The following HYDIN variants were observed in gnomAD, a reference collection of about 807,000 sequenced individuals.
HYDIN encodes HYDIN axonemal central pair apparatus protein.
Under a neutral mutation model 403.9 loss-of-function variants are expected in HYDIN, and 132 were observed. That is an observed-to-expected ratio of 0.33 (90% CI 0.28 to 0.38). The LOEUF (loss-of-function observed/expected upper bound fraction) is 0.38. HYDIN is among the 10% of genes least tolerant of loss of function. HYDIN has a pLI of 1.00. For synonymous variants in HYDIN, 1,202 were observed against 1,891.7 expected (o/e 0.64, Z 9.46); for missense variants, 2,827 against 5,009.5 (o/e 0.56, Z 13.15).
intron 9 of HYDIN, among the ~76,000 whole-genome samples, chr16:71,124,367 A>G (rs2084370265): frequency 1.3e-5 from 2 of 152,228 alleles, no homozygotes; most frequent in Non-Finnish European, 2.9e-5. Context: ...TTTTCACATG[A>G]TACTGTTCAC....
intron 27 of HYDIN, 152 bp from the exon 28 acceptor site, chr16:70,985,474 G>A (rs1260470492): frequency 1.7e-5 from 14 of 831,838 alleles, no homozygotes; most frequent in Non-Finnish European, 2.4e-5. Flanking sequence ...AATGCCTACT[G>A]GGGCACTAGA....
intron 45 of HYDIN, among the ~76,000 whole-genome samples, chr16:70,931,208 CTGTTTTTTTTTTTT>C (rs1184257134): frequency 2.6e-5 from 2 of 78,244 alleles, no homozygotes; most frequent in African/African-American, 4.0e-5. Context: ...TCTCTTTCTT[CTGTTTTTTTTTTTT>C]TTTTTTTTTT....
chr16:71,156,255 T>G (rs2085762535), intron 6 of HYDIN, among the ~76,000 whole-genome samples: 1 of 152,158 alleles, frequency 6.6e-6, no homozygotes, highest in African/African-American at 2.4e-5. Flanking sequence ...TGCTAATCGT[T>G]GGGTTTAGGT....
rs549915605 is a variant in HYDIN, at chr16:70,980,329, C to T, written c.4510+1062G>A. Among the ~76,000 whole-genome samples, 12 of 150,636 alleles carry T rather than the reference C, an allele frequency of 8.0e-5. No individual in the cohort carries two copies. In the South Asian group the frequency reaches 1.1e-3, roughly 13 times the overall value. On this transcript the variant is annotated intron_variant, in intron 29 of 85. Coordinates refer to ENST00000393567, the MANE Select transcript of HYDIN (RefSeq NM_001270974.2). ...ACTAGCCTGGGTAACAAAGTAAGAT[C>T]CTATCATAAAAAAAAAAAAATTAAA...
intron 47 of HYDIN, among the ~76,000 whole-genome samples, chr16:70,916,835 T>C (rs1347232174): frequency 1.3e-5 from 2 of 152,138 alleles, no homozygotes; most frequent in African/African-American, 2.4e-5. Context: ...TCTTTTTCTC[T>C]TTCTCTCTTT....
chr16:71,043,307 T>C (rs988921849), intron 18 of HYDIN, among the ~76,000 whole-genome samples: 1 of 150,868 alleles, frequency 6.6e-6, no homozygotes, highest in Admixed American at 6.6e-5. Flanking sequence ...GCATATTTGA[T>C]GAACCTTCTC....
chr16:70,989,661 A>C (rs2079282422), intron 25 of HYDIN, among the ~76,000 whole-genome samples: 1 of 152,254 alleles, frequency 6.6e-6, no homozygotes, highest in South Asian at 2.1e-4. Context: ...AGTTGATTGT[A>C]CATGATACAA....
At chr16:70,933,190 C>T (rs1288201074) in intron 45 of HYDIN, among the ~76,000 whole-genome samples, 2 of 151,978 alleles carry the variant, frequency 1.3e-5, no homozygotes, top group Non-Finnish European at 2.9e-5. Flanking sequence ...GAAAGGAGAG[C>T]CCTAGTCTGG....
intron 14 of HYDIN, among the ~76,000 whole-genome samples, chr16:71,068,273 T>C (rs1440211290): frequency 1.4e-5 from 2 of 148,012 alleles, no homozygotes; most frequent in African/African-American, 2.5e-5. Flanking sequence ...TTTCTATCTA[T>C]AAATTATGCA....
At chr16:71,225,989 C>T (rs1407618839) in intron 1 of HYDIN, among the ~76,000 whole-genome samples, 2 of 152,160 alleles carry the variant, frequency 1.3e-5, no homozygotes, top group East Asian at 3.8e-4. Flanking sequence ...CAATTCTCCC[C>T]AAATTAATCT....
chr16:71,078,697 G>T (rs937344665), intron 13 of HYDIN, among the ~76,000 whole-genome samples: 2 of 152,064 alleles, frequency 1.3e-5, no homozygotes, highest in African/African-American at 2.4e-5. Flanking sequence ...GTAGAGATGG[G>T]GTCTTGCTAT....
chr16:70,977,830 C>G (rs2078930995), intron 30 of HYDIN, among the ~76,000 whole-genome samples: 2 of 151,702 alleles, frequency 1.3e-5, no homozygotes, highest in African/African-American at 4.8e-5. Flanking sequence ...ACCACATGCT[C>G]CTGACTTTTC....
intron 83 of HYDIN, among the ~76,000 whole-genome samples, chr16:70,819,624 G>A (rs1228678900): frequency 6.8e-6 from 1 of 146,830 alleles, no homozygotes; most frequent in African/African-American, 2.6e-5. Context: ...GACTGATAAT[G>A]TTCAGCATCT....
intron 16 of HYDIN, 126 bp downstream of exon 16, chr16:71,064,579 G>T: frequency 1.2e-6 from 1 of 826,974 alleles, no homozygotes; most frequent in Non-Finnish European, 1.9e-6. Flanking sequence ...ACTATCTAAG[G>T]GTTAAAAATC....
chr16:70,834,976 G>GTGTA (rs2037303293), intron 78 of HYDIN, among the ~76,000 whole-genome samples: 1 of 132,254 alleles, frequency 7.6e-6, no homozygotes, highest in African/African-American at 3.1e-5. Context: ...ATATATGTGT[G>GTGTA]TATATATATA....
chr16:71,230,657 TA>T lies in HYDIN; in HGVS notation c.-120del. On this transcript the variant is annotated 5_prime_UTR_variant, in exon 1 of 86. An upstream open reading frame in the 5' UTR gains an earlier in-frame stop. Transcript: ENST00000393567. ...ACCCCGCCGCCGCTGAGGGGCTCCATACCCAGCTTGAAGCCGCCCGCACTCT... is the reference window on the plus strand; with the variant it reads ...ACCCCGCCGCCGCTGAGGGGCTCCATCCCAGCTTGAAGCCGCCCGCACTCT... 6.5e-7 allele frequency: 1 copy of T among 1,536,040 alleles called. No homozygotes were observed.
chr16:71,198,601 A>G (rs751766004), intron 1 of HYDIN, among the ~76,000 whole-genome samples: 10 of 152,164 alleles, frequency 6.6e-5, no homozygotes, highest in Admixed American at 2.0e-4. Flanking sequence ...TAGCCCAGTG[A>G]GTCATATTAT....
intron 11 of HYDIN, among the ~76,000 whole-genome samples, chr16:71,093,407 A>G (rs2083175285): frequency 1.3e-5 from 2 of 151,566 alleles, no homozygotes. Flanking sequence ...AAATGTGAAA[A>G]CAGCTATGCT....
intron 1 of HYDIN, among the ~76,000 whole-genome samples, chr16:71,208,611 C>A (rs758076975): frequency 1.8e-4 from 27 of 151,802 alleles, no homozygotes; most frequent in Non-Finnish European, 1.6e-4. Context: ...TCAACAAATC[C>A]AGAGGTTTAT....
Sources: allele counts gnomAD v4.1 joint callset (sites outside exome capture counted in the v4.1 genomes callset), GRCh38; gene constraint gnomAD v4.1.1; transcripts MANE v1.5; gene names NCBI Gene and HGNC (gene_info 2026-07-23, HGNC 2026-07-21).